SOX30: variants seen among roughly 807,000 people sequenced by gnomAD.
The protein encoded by SOX30 is transcription factor SOX-30.
In SOX30, 17 loss-of-function variants were observed where a neutral mutation model predicts 58.6. The ratio of observed to expected loss-of-function variants is 0.29; its 90% CI spans 0.20 to 0.44. The LOEUF is 0.44. SOX30 is among the 20% of genes least tolerant of loss of function. The pLI is 1.00. For missense variants in SOX30, 951 were observed against 965.8 expected (o/e 0.98, Z 0.20); for synonymous variants, 421 against 400.2 (o/e 1.05, Z -0.62).
intron 3 of SOX30, among the ~76,000 whole-genome samples, chr5:157,645,596 A>G (rs929323851): frequency 1.3e-5 from 2 of 152,052 alleles, no homozygotes; most frequent in Non-Finnish European, 2.9e-5. Flanking sequence ...CAGGAGGGCA[A>G]GGCTGCAGTG....
chr5:157,662,832 A>C (rs1273573798), intron 2 of SOX30, among the ~76,000 whole-genome samples: 1 of 152,210 alleles, frequency 6.6e-6, no homozygotes, highest in Non-Finnish European at 1.5e-5. Flanking sequence ...AGGTCTTCAC[A>C]ACCCTTTATC....
At chr5:157,654,429 T>A (rs916799550), upstream of SOX30, among the ~76,000 whole-genome samples, 2 of 152,214 alleles carry the variant, frequency 1.3e-5, no homozygotes, top group Non-Finnish European at 2.9e-5. Context: ...CCTAGCTGAC[T>A]CTGTAAGTGT....
At chr5:157,646,611 A>G in intron 3 of SOX30, 26 bp downstream of exon 3, 1 of 1,536,796 alleles carries the variant, frequency 6.5e-7, no homozygotes, top group Middle Eastern at 1.7e-4. Context: ...TTTAAAAAAT[A>G]GTAATCTACA....
chr5:157,660,264 A>G (rs1480143462), intron 2 of SOX30, among the ~76,000 whole-genome samples: 1 of 152,186 alleles, frequency 6.6e-6, no homozygotes, highest in Non-Finnish European at 1.5e-5. Context: ...CTACAAAACA[A>G]TACAAAAATT....
chr5:157,636,816 C>T (rs566340026), intron 4 of SOX30, among the ~76,000 whole-genome samples: 9 of 152,214 alleles, frequency 5.9e-5, no homozygotes, highest in Admixed American at 3.3e-4. Flanking sequence ...TTTGTCTACA[C>T]ATTTAACAGT....
Position 157,638,443 on chromosome 5 carries a change from C to G in SOX30, c.1667G>C (p.Arg556Thr). ...AGGTTGGATGGTCGAAGTTGCAAAT[C>G]TGGCATGGGCAGTACTTGCACTACT... is the stretch of plus-strand genomic sequence containing the variant. ...ISSSASTAHARFATSTIQPPR... is the reference protein window; with the variant it reads ...ISSSASTAHATFATSTIQPPR... Residue 556 changes from arginine to threonine, a missense_variant, in exon 4 of 5, where the codon AGA (arginine) becomes ACA (threonine). Physicochemically the swap from Arg to Thr is moderately conservative, Grantham distance 71 (BLOSUM62 -1). Around this residue, in one of 7 missense-constraint regions of SOX30, gnomAD observed 381 missense variants for 390.0 expected, o/e 0.98. Coordinates refer to ENST00000265007, the MANE Select transcript of SOX30 (RefSeq NM_178424.2). The G allele has an allele frequency of 2.5e-6, 4 of 1,614,140 alleles. No homozygotes were observed. Among genetic ancestry groups the G allele is most frequent in the Non-Finnish European group, 2.5e-6 (3 of 1,180,006 alleles).
chr5:157,637,570 T>C (rs1382373500), intron 4 of SOX30, among the ~76,000 whole-genome samples: 1 of 152,200 alleles, frequency 6.6e-6, no homozygotes, highest in Non-Finnish European at 1.5e-5. Flanking sequence ...AATACCACGA[T>C]TTATATACAC....
intron 3 of SOX30, among the ~76,000 whole-genome samples, chr5:157,644,186 C>T (rs1189250751): frequency 3.3e-5 from 5 of 152,046 alleles, no homozygotes; most frequent in Admixed American, 2.0e-4. Flanking sequence ...TTAGAGACAG[C>T]GTCTTGCTAT....
In SOX30 at chr5:157,651,708, T is replaced by G; in HGVS notation, c.371A>C (p.Glu124Ala). 6.3e-7 allele frequency: 1 copy of G among 1,586,176 alleles called. No individual in the cohort carries two copies. The highest frequency in any genetic ancestry group is 8.6e-7 in the Non-Finnish European group (1 of 1,167,830). The part of the protein sequence containing the change: ...TASDGATSRP[E>A]LHPVQPLALH... Reference sequence around the variant, plus strand: ...CGCCAGGGGCTGCACCGGGTGCAACTCGGGCCTGGAGGTGGCGCCGTCTGA... The same window carrying G: ...CGCCAGGGGCTGCACCGGGTGCAACGCGGGCCTGGAGGTGGCGCCGTCTGA... The change falls in exon 1 of 5, where the codon GAG (glutamate) becomes GCG (alanine). Residue 124 changes from glutamate (E) to alanine (A), a missense_variant. Physicochemically the swap from Glu to Ala is moderately radical, Grantham distance 107. This residue lies in a region of SOX30 where 363 missense variants were observed against 294.5 expected (regional missense o/e 1.23). Coordinates refer to ENST00000265007, the MANE Select transcript of SOX30 (RefSeq NM_178424.2).
rs1355822516 is a variant in SOX30 at position 157,648,876 on chromosome 5, T to G, written c.988A>C (p.Ser330Arg). 2 of 1,609,824 alleles carry G rather than the reference T, an allele frequency of 1.2e-6. No individual in the cohort carries two copies. The highest frequency in any genetic ancestry group is 1.7e-6 in the Non-Finnish European group (2 of 1,179,028). Reference sequence around the variant, plus strand: ...TTCACATGACCATTTCTGTCCTTACTGAAGGGAGTATCTGGTATGCCTACA... The same window carrying G: ...TTCACATGACCATTTCTGTCCTTACGGAAGGGAGTATCTGGTATGCCTACA... Reference protein sequence around the residue: ...SDAGIPDTPFSKDRNGHVKRP... With the variant: ...SDAGIPDTPFRKDRNGHVKRP... Residue 330 changes from serine to arginine, a missense_variant, in exon 2 of 5, where the codon AGT becomes CGT. This residue lies in a region of SOX30 where 60 missense variants were observed against 74.0 expected (regional missense o/e 0.81). Coordinates refer to ENST00000265007, the MANE Select transcript of SOX30 (RefSeq NM_178424.2).
At chr5:157,669,832 G>A (rs983477015) in intron 1 of SOX30, among the ~76,000 whole-genome samples, 1 of 152,072 alleles carries the variant, frequency 6.6e-6, no homozygotes, top group Non-Finnish European at 1.5e-5. Flanking sequence ...CCATTTTTCT[G>A]TAGAATTCCA....
At chr5:157,655,793 C>T (rs1352458121), upstream of SOX30, among the ~76,000 whole-genome samples, 1 of 152,206 alleles carries the variant, frequency 6.6e-6, no homozygotes, top group Non-Finnish European at 1.5e-5. Context: ...ATCACTATTT[C>T]TTACAAAGTT....
In SOX30 at chr5:157,632,047, TAAA is replaced by T. The variant is rs570172679; in HGVS notation, c.1881-5329_1881-5327del. Among the ~76,000 whole-genome samples, 327 of 56,384 alleles carry T rather than the reference TAAA, an allele frequency of 5.8e-3. 1 individual carries two copies. The highest frequency in any genetic ancestry group is 0.023 in the African/African-American group (299 of 12,756). The allele number at this position is 56,384 out of a possible 152,430, so 37.0% of individuals were successfully genotyped here. ...GACACAGCAAGACCCACCCCGTAAC[TAAA>T]AAAAAAAAAAAAAAAAAAAAAAAAA... On this transcript the variant is annotated intron_variant, in intron 4 of 4. Coordinates refer to ENST00000265007, the MANE Select transcript of SOX30 (RefSeq NM_178424.2).
intron 2 of SOX30, among the ~76,000 whole-genome samples, chr5:157,665,347 G>C (rs1416764232): frequency 1.3e-5 from 2 of 152,070 alleles, no homozygotes; most frequent in African/African-American, 4.8e-5. Flanking sequence ...CTATGGCAAG[G>C]ACAAAAAACC....
intron 4 of SOX30, among the ~76,000 whole-genome samples, chr5:157,632,360 A>G (rs1431002546): frequency 1.3e-5 from 2 of 152,244 alleles, no homozygotes; most frequent in Non-Finnish European, 2.9e-5. Context: ...CTCTGTGCGT[A>G]GCTCTCTTTT....
intron 4 of SOX30, among the ~76,000 whole-genome samples, chr5:157,629,444 T>C (rs1758736607): frequency 6.6e-6 from 1 of 152,174 alleles, no homozygotes; most frequent in Non-Finnish European, 1.5e-5. Context: ...ATATTAGACA[T>C]GTGCTAAAGT....
chr5:157,635,975 T>C (rs965532039), intron 4 of SOX30, among the ~76,000 whole-genome samples: 2 of 152,244 alleles, frequency 1.3e-5, no homozygotes, highest in Non-Finnish European at 2.9e-5. Flanking sequence ...ATTTGACTAT[T>C]GGCTCTGCCA....
intron 1 of SOX30, among the ~76,000 whole-genome samples, chr5:157,670,021 C>T (rs1190173712): frequency 1.3e-5 from 2 of 152,346 alleles, no homozygotes; most frequent in Non-Finnish European, 2.9e-5. Flanking sequence ...AAAAAGCCTC[C>T]TGAACCCAGG....
intron 1 of SOX30, among the ~76,000 whole-genome samples, chr5:157,669,996 A>G (rs1759748314): frequency 6.6e-6 from 1 of 152,216 alleles, no homozygotes; most frequent in Non-Finnish European, 1.5e-5. Flanking sequence ...TCTAGAGACT[A>G]TATGAAGGGC....
Sources: gnomAD v4.1 joint callset for allele counts (sites outside exome capture counted in the v4.1 genomes callset) on GRCh38, gnomAD v4.1.1 for gene constraint, gnomAD v4.1.1 regional missense constraint, MANE v1.5 for transcripts, NCBI Gene and HGNC (gene_info 2026-07-23, HGNC 2026-07-21) for gene names.